Variants in TMEM182 observed in about 807,000 individuals in gnomAD.
TMEM182 encodes transmembrane protein 182.
TMEM182 carries 20 observed loss-of-function variants against 26.8 expected under a neutral mutation model. The ratio of observed to expected loss-of-function variants is 0.75; its 90% CI spans 0.53 to 1.09. The LOEUF (loss-of-function observed/expected upper bound fraction) is 1.09. Among genes scored for constraint, TMEM182 ranks in the 50% least tolerant of loss-of-function variants. TMEM182 has a pLI of 0.00. For synonymous variants in TMEM182, 109 were observed against 102.2 expected, an observed-to-expected ratio of 1.07 and a Z score of -0.40; for missense variants, 277 against 275.5, an observed-to-expected ratio of 1.01 and a Z score of -0.04.
intron 4 of TMEM182, among the ~76,000 whole-genome samples, chr2:102,802,092 G>A (rs531429770): frequency 2.0e-5 from 3 of 152,222 alleles, no homozygotes; most frequent in Admixed American, 6.5e-5. Flanking sequence ...TCAGGCTTGC[G>A]GTGGCTGCTT....
At chr2:102,801,615 A>G (rs1387922796) in intron 4 of TMEM182, among the ~76,000 whole-genome samples, 2 of 152,194 alleles carry the variant, frequency 1.3e-5, no homozygotes, top group African/African-American at 4.8e-5. Context: ...CAGGCTTCTC[A>G]TGACCTTCAT....
chr2:102,835,932 G>A (rs541034960), intron 3 of TMEM182, among the ~76,000 whole-genome samples: 25 of 148,956 alleles, frequency 1.7e-4, no homozygotes, highest in African/African-American at 6.0e-4. Flanking sequence ...CCACCTATGA[G>A]TGAGAACATG....
intron 1 of TMEM182, among the ~76,000 whole-genome samples, chr2:102,738,514 C>T (rs1352945183): frequency 6.6e-6 from 1 of 152,082 alleles, no homozygotes; most frequent in African/African-American, 2.4e-5. Flanking sequence ...AGAGCTTGAA[C>T]CCGGGAGGCA....
At chr2:102,785,331 T>C (rs539976585) in intron 3 of TMEM182, among the ~76,000 whole-genome samples, 5 of 152,310 alleles carry the variant, frequency 3.3e-5, no homozygotes, top group African/African-American at 1.2e-4. Flanking sequence ...CCAAAGAGCT[T>C]TTATGCAATA....
At position 102,815,373 on chromosome 2, in the gene TMEM182, G is replaced by A. The variant is rs1682707066; in HGVS notation, c.*405G>A. ...ATCCTTGAAGAATAATTAAGAATGG[G>A]CAAGGTTGTCAGAGAATTTATTTTG... On this transcript the variant is annotated 3_prime_UTR_variant, in exon 5 of 5. Transcript: ENST00000412401. 2 of 997,030 alleles carry A rather than the reference G, an allele frequency of 2.0e-6. No individual in the cohort carries two copies. The highest frequency in any genetic ancestry group is 5.8e-5 in the Admixed American group (1 of 17,246). The allele number at this position is 997,030 out of a possible 1,614,324, so 61.8% of individuals were successfully genotyped here. A position where few individuals can be genotyped will look rare whatever the true frequency, so the allele number is the denominator to read the frequency against.
At chr2:102,797,694 A>G in intron 3 of TMEM182, 169 bp from the exon 4 acceptor site, 2 of 727,706 alleles carry the variant, frequency 2.7e-6, no homozygotes, top group Non-Finnish European at 4.3e-6. Context: ...TTCCAAGGTC[A>G]TCTGATAAGA....
At chr2:102,744,348 A>C (rs1184201205) in intron 1 of TMEM182, among the ~76,000 whole-genome samples, 1 of 152,200 alleles carries the variant, frequency 6.6e-6, no homozygotes, top group Non-Finnish European at 1.5e-5. Flanking sequence ...AAATATTTGA[A>C]ACAAACTACA....
chr2:102,758,471 A>G (rs1341844888), upstream of TMEM182: 4 of 717,202 alleles, frequency 5.6e-6, no homozygotes, highest in Admixed American at 2.0e-5. Flanking sequence ...TACCTCCTCC[A>G]TGGTAAGCTC....
chr2:102,764,201 T>C (rs1680332222), intron 2 of TMEM182, 128 bp from the exon 3 acceptor site: 4 of 870,518 alleles, frequency 4.6e-6, no homozygotes, highest in Non-Finnish European at 7.2e-6. Context: ...ATTCGCTGAA[T>C]TTGCTGATGG....
intron 3 of TMEM182, among the ~76,000 whole-genome samples, chr2:102,839,518 A>C (rs1353614705): frequency 6.7e-6 from 1 of 149,558 alleles, no homozygotes; most frequent in Non-Finnish European, 1.5e-5. Context: ...GGAATTATTA[A>C]ATCAAGGTGC....
At chr2:102,798,716 C>T (rs1238777507) in intron 4 of TMEM182, among the ~76,000 whole-genome samples, 2 of 152,094 alleles carry the variant, frequency 1.3e-5, no homozygotes, top group African/African-American at 4.8e-5. Context: ...TGGCATGTGC[C>T]TGTAATCCCA....
At chr2:102,758,564 C>G, upstream of TMEM182, 1 of 701,352 alleles carries the variant, frequency 1.4e-6, no homozygotes, top group Admixed American at 2.1e-5. Context: ...AACATGCACC[C>G]TGCTAAAATC....
chr2:102,745,201 T>C (rs962553981), intron 1 of TMEM182, among the ~76,000 whole-genome samples: 55 of 152,046 alleles, frequency 3.6e-4, no homozygotes, highest in African/African-American at 1.3e-3. Flanking sequence ...CTGTGTTTAG[T>C]CTGATGATAA....
chr2:102,762,727 A>C (rs751440468), intron 2 of TMEM182, 41 bp downstream of exon 2: 2 of 1,544,350 alleles, frequency 1.3e-6, no homozygotes, highest in Admixed American at 3.4e-5. Context: ...TGTCTGTAAA[A>C]TAAAAATGAA....
chr2:102,750,134 T>C (rs1194232841), intron 1 of TMEM182, among the ~76,000 whole-genome samples: 1 of 152,192 alleles, frequency 6.6e-6, no homozygotes, highest in Non-Finnish European at 1.5e-5. Flanking sequence ...CTTGCACAGA[T>C]TCACTTTCGC....
chr2:102,773,373 A>G (rs1680764632), intron 3 of TMEM182, among the ~76,000 whole-genome samples: 1 of 151,926 alleles, frequency 6.6e-6, no homozygotes, highest in Non-Finnish European at 1.5e-5. Context: ...TATAAATAAG[A>G]GCTCTGTAAT....
At chr2:102,796,189 C>A (rs1324541745) in intron 3 of TMEM182, among the ~76,000 whole-genome samples, 1 of 152,214 alleles carries the variant, frequency 6.6e-6, no homozygotes, top group East Asian at 1.9e-4. Context: ...TCCCCATTCG[C>A]TTGCCTTCAG....
chr2:102,812,384 T>TACAC (rs61175945), intron 4 of TMEM182, among the ~76,000 whole-genome samples: 1,818 of 143,282 alleles, frequency 0.013, 41 homozygotes, highest in African/African-American at 0.04. Flanking sequence ...TCTACACATG[T>TACAC]ACACACACAC....
In TMEM182 at chr2:102,815,222, A is replaced by G. The variant is rs1682701054; in HGVS notation, c.*254A>G. On this transcript the variant is annotated 3_prime_UTR_variant, in exon 5 of 5. Transcript: ENST00000412401. ...GAATAGGTAAACAGGTCTCCCTTTC[A>G]TTGAACATGTTAGAGTTCATGCAGG... 2 of 1,276,510 alleles carry G rather than the reference A, an allele frequency of 1.6e-6. No individual in the cohort carries two copies. Among genetic ancestry groups the G allele is most frequent in the African/African-American group, 3.1e-5 (2 of 65,472 alleles). 79.1% of individuals were successfully genotyped at this position (1,276,510 alleles called of 1,614,324 possible).
Sources: gnomAD v4.1 joint callset for allele counts (sites outside exome capture counted in the v4.1 genomes callset) on GRCh38, gnomAD v4.1.1 for gene constraint, MANE v1.5 for transcripts, NCBI Gene and HGNC (gene_info 2026-07-23, HGNC 2026-07-21) for gene names.